MS4A10: variants seen among roughly 807,000 people sequenced by gnomAD.
MS4A10 encodes the protein membrane spanning 4-domains A10.
Under a neutral mutation model 27.7 loss-of-function variants are expected in MS4A10, and 27 were observed. The observed-to-expected ratio is 0.98, with a 90% confidence interval of 0.72 to 1.35. The LOEUF is 1.35. Ranked by LOEUF, MS4A10 falls within the 40% of genes most tolerant of loss-of-function variation. The pLI is 0.00. For missense variants in MS4A10, 338 were observed against 324.7 expected (o/e 1.04, Z -0.32); for synonymous variants, 139 against 131.2 (o/e 1.06, Z -0.41).
At chr11:60,789,123 C>A (rs1306731486) in intron 1 of MS4A10, among the ~76,000 whole-genome samples, 1 of 152,252 alleles carries the variant, frequency 6.6e-6, no homozygotes, top group Non-Finnish European at 1.5e-5. Context: ...TCTTTCCCTG[C>A]ATCCCTGTGG....
intron 1 of MS4A10, among the ~76,000 whole-genome samples, chr11:60,787,092 C>T (rs998959265): frequency 2.0e-4 from 31 of 152,140 alleles, no homozygotes; most frequent in Admixed American, 2.0e-3. Flanking sequence ...GAAGGAACAA[C>T]GAGAATATGT....
At chr11:60,791,847 T>C (rs1854435988) in intron 3 of MS4A10, among the ~76,000 whole-genome samples, 1 of 152,142 alleles carries the variant, frequency 6.6e-6, no homozygotes, top group African/African-American at 2.4e-5. Context: ...ATTGCAGAGG[T>C]GCTCCCAGAG....
chr11:60,796,160 G>C (rs1311826168), intron 6 of MS4A10, among the ~76,000 whole-genome samples: 1 of 151,602 alleles, frequency 6.6e-6, no homozygotes, highest in Non-Finnish European at 1.5e-5. Context: ...TTAAGGAATT[G>C]CAGGGACTCT....
chr11:60,791,147 G>C, intron 3 of MS4A10, 54 bp downstream of exon 3: 1 of 1,603,222 alleles, frequency 6.2e-7, no homozygotes, highest in Non-Finnish European at 8.5e-7. Flanking sequence ...GGCAGGCCTG[G>C]GAGGCCCTGG....
chr11:60,792,339 G>A lies in MS4A10; in HGVS notation c.360+18G>A, dbSNP rs760658718. On this transcript the variant is annotated intron_variant, in intron 4 of 7. Transcript: ENST00000308287. ...CTTACCTGGTGAGTGGGCACACTGAGATCATTCTCTTCCATCTGAGCATGG... is the reference window on the plus strand; with the variant it reads ...CTTACCTGGTGAGTGGGCACACTGAAATCATTCTCTTCCATCTGAGCATGG... 8.4e-6 allele frequency: 13 copies of A among 1,554,610 alleles called. No homozygotes were observed. The highest frequency in any genetic ancestry group is 1.4e-5 in the African/African-American group (1 of 73,960).
At chr11:60,795,992 C>T (rs557604981) in intron 6 of MS4A10, among the ~76,000 whole-genome samples, 5 of 152,220 alleles carry the variant, frequency 3.3e-5, no homozygotes, top group African/African-American at 9.6e-5. Context: ...GGGCAGGATT[C>T]GGACCCACAG....
At chr11:60,795,480 C>A in intron 5 of MS4A10, 75 bp from the exon 6 acceptor site, 1 of 948,536 alleles carries the variant, frequency 1.1e-6, no homozygotes, top group Non-Finnish European at 1.5e-6. Context: ...AGGACCCCTG[C>A]CTGGCTAAGC....
chr11:60,799,974 C>T lies in MS4A10; in HGVS notation c.*65C>T, dbSNP rs981529752. The T allele has an allele frequency of 3.1e-6, 5 of 1,611,492 alleles. No individual in the cohort carries two copies. In the African/African-American group the frequency reaches 6.7e-5, roughly 22 times the overall value. On this transcript the variant is annotated 3_prime_UTR_variant, in exon 8 of 8. Coordinates refer to ENST00000308287, the MANE Select transcript of MS4A10 (RefSeq NM_206893.4). ...TAGCCCCTGCTCTCCCAAAGTTGCA[C>T]TTTCACTGGGAAGATGAGATTTGCA...
chr11:60,788,055 A>G (rs1278292939), intron 1 of MS4A10, among the ~76,000 whole-genome samples: 2 of 151,348 alleles, frequency 1.3e-5, no homozygotes. Flanking sequence ...TAAATAAATA[A>G]TAAAGATTAT....
intron 4 of MS4A10, 73 bp downstream of exon 4, chr11:60,792,394 G>A (rs1854446267): frequency 8.4e-7 from 1 of 1,186,210 alleles, no homozygotes; most frequent in Admixed American, 1.7e-5. Context: ...TCTGTCTGTA[G>A]GGGTGATTGT....
intron 3 of MS4A10, among the ~76,000 whole-genome samples, chr11:60,791,947 A>C (rs1854438098): frequency 6.6e-6 from 1 of 152,206 alleles, no homozygotes; most frequent in Non-Finnish European, 1.5e-5. Context: ...CACTGATCCC[A>C]GCGATGGTTT....
At position 60,800,142 on chromosome 11, in the gene MS4A10, CTTTGTTTTGTTTTCT is replaced by C; in HGVS notation, c.*245_*259del. 5.1e-6 allele frequency: 3 copies of C among 588,464 alleles called. No homozygotes were observed. Among genetic ancestry groups the C allele is most frequent in the Non-Finnish European group, 5.8e-6 (2 of 344,930 alleles). 36.5% of individuals were successfully genotyped at this position (588,464 alleles called of 1,614,324 possible). ...GCCCAGATTGTTTTGTTTTGTTTCG[CTTTGTTTTGTTTTCT>C]TTTGTTTTGTTGAGATGGAGTCTCG... On this transcript the variant is annotated 3_prime_UTR_variant, in exon 8 of 8. Coordinates refer to ENST00000308287, the MANE Select transcript of MS4A10 (RefSeq NM_206893.4).
rs1854616236 is a variant in MS4A10, at chr11:60,800,594, CT to C, written c.*686del. The C allele has an allele frequency of 6.6e-6, 1 of 152,342 alleles. No individual in the cohort carries two copies. The highest frequency in any genetic ancestry group is 1.5e-5 in the Non-Finnish European group (1 of 68,130). 9.4% of individuals were successfully genotyped at this position (152,342 alleles called of 1,614,324 possible). A position where few individuals can be genotyped will look rare whatever the true frequency, so the allele number is the denominator to read the frequency against. The stretch of plus-strand genomic sequence containing the variant: ...TCTTTGAATTCTCCCTCTTTGTCAT[CT>C]CTTTCGCTGCCACTTCTGGCTGTGG... On this transcript the variant is annotated 3_prime_UTR_variant, in exon 8 of 8. Transcript: ENST00000308287.
intron 4 of MS4A10, among the ~76,000 whole-genome samples, chr11:60,792,752 C>T (rs1854452537): frequency 6.6e-6 from 1 of 152,120 alleles, no homozygotes; most frequent in Non-Finnish European, 1.5e-5. Flanking sequence ...CTTTTCTGCC[C>T]GTGCTGGCCA....
intron 3 of MS4A10, among the ~76,000 whole-genome samples, chr11:60,791,515 G>T (rs938118325): frequency 6.6e-6 from 1 of 152,158 alleles, no homozygotes; most frequent in Non-Finnish European, 1.5e-5. Flanking sequence ...TCCTCCCAAG[G>T]CCATCAGCCA....
chr11:60,787,604 G>A (rs1854361710), intron 1 of MS4A10, among the ~76,000 whole-genome samples: 1 of 152,082 alleles, frequency 6.6e-6, no homozygotes, highest in Non-Finnish European at 1.5e-5. Context: ...ACCAAAAGCA[G>A]AGAAAAGGCC....
intron 5 of MS4A10, 83 bp from the exon 6 acceptor site, chr11:60,795,472 G>C: frequency 1.2e-6 from 1 of 817,874 alleles, no homozygotes; most frequent in East Asian, 3.3e-5. Flanking sequence ...TCTTAGCAAG[G>C]ACCCCTGCCT....
At chr11:60,798,840 C>T (rs1481519481) in intron 7 of MS4A10, among the ~76,000 whole-genome samples, 7 of 152,226 alleles carry the variant, frequency 4.6e-5, no homozygotes, top group African/African-American at 1.4e-4. Context: ...CTGCAGCCCC[C>T]TGGTGCCCCC....
chr11:60,795,408 T>A, intron 5 of MS4A10, 147 bp from the exon 6 acceptor site: 1 of 460,138 alleles, frequency 2.2e-6, no homozygotes, highest in Non-Finnish European at 3.8e-6. Flanking sequence ...AGACCCACCC[T>A]GCCTTCCCCA....
Sources: allele counts gnomAD v4.1 joint callset (sites outside exome capture counted in the v4.1 genomes callset), GRCh38; gene constraint gnomAD v4.1.1; transcripts MANE v1.5; gene names NCBI Gene and HGNC (gene_info 2026-07-23, HGNC 2026-07-21).